Variants in PARP10 observed in about 807,000 individuals in gnomAD.
PARP10 encodes poly(ADP-ribose) polymerase family member 10, also known as protein mono-ADP-ribosyltransferase PARP10.
A neutral mutation model predicts 82.4 loss-of-function variants in PARP10; 56 were observed. The observed-to-expected ratio is 0.68, with a 90% CI of 0.55 to 0.85. The LOEUF (loss-of-function observed/expected upper bound fraction) is 0.85. Ranked by LOEUF, PARP10 falls within the 40% of genes least tolerant of loss-of-function variation. The pLI is 0.00. For missense variants in PARP10, 1,227 were observed against 1,379.4 expected (o/e 0.89, Z 1.75); for synonymous variants, 576 against 601.1 (o/e 0.96, Z 0.61).
At chr8:144,005,531 C>T (rs781907464) in intron 1 of PARP10, among the ~76,000 whole-genome samples, 57 of 152,148 alleles carry the variant, frequency 3.7e-4, no homozygotes, top group Non-Finnish European at 7.5e-4. Flanking sequence ...GGTAGCTCCT[C>T]CTACTCCCTA....
At chr8:143,980,319 C>CAAAAA (rs564801582) in intron 9 of PARP10, among the ~76,000 whole-genome samples, 17 of 16,086 alleles carry the variant, frequency 1.1e-3, no homozygotes, top group Non-Finnish European at 1.5e-3. Flanking sequence ...GATTCCGTCT[C>CAAAAA]AAAAAAAAAA....
intron 1 of PARP10, chr8:144,012,274 GT>G (rs1554752556): frequency 1.9e-6 from 1 of 538,992 alleles, no homozygotes; most frequent in Non-Finnish European, 3.3e-6. Flanking sequence ...CAGAGAAAAG[GT>G]CAGGACATTC....
chr8:143,984,049 G>A lies in PARP10; in HGVS notation c.1736C>T (p.Thr579Ile). ...VLPGNAHTLWTPDSTGGDQED... is the reference protein window; with the variant it reads ...VLPGNAHTLWIPDSTGGDQED... ...CTGGTCACCACCTGTACTGTCTGGGGTCCACAGGGTGTGGGCGTTGCCAGG... is the reference window on the plus strand; with the variant it reads ...CTGGTCACCACCTGTACTGTCTGGGATCCACAGGGTGTGGGCGTTGCCAGG... The change falls in exon 7 of 11, where the codon ACC becomes ATC. Residue 579 changes from threonine (T) to isoleucine (I), a missense_variant. Coordinates refer to ENST00000313028, the MANE Select transcript of PARP10 (RefSeq NM_032789.5). The A allele has an allele frequency of 3.2e-6, 5 of 1,540,348 alleles. No individual in the cohort carries two copies. Among genetic ancestry groups the A allele is most frequent in the East Asian group, 2.3e-5 (1 of 44,252 alleles).
chr8:143,991,290 G>A (rs143329355), upstream of PARP10: 2 of 1,494,844 alleles, frequency 1.3e-6, no homozygotes, highest in Non-Finnish European at 1.8e-6. Flanking sequence ...TGGATATCCG[G>A]GGGGGCCCCA....
Position 143,986,161 on chromosome 8 carries a change from C to T in PARP10, c.75G>A (p.Glu25=), listed in dbSNP as rs1554749319. ...GGTTTTCAAAGTAGAGAGTGAGCAG[C>T]TCGTCGGGCACGGCAGGGGGCAGTC... ...VRGLPPAVPD[E]LLTLYFENRR... is the part of the protein sequence containing the mutation. The change falls in exon 2 of 11, where the codon GAG becomes GAA. Residue 25 remains glutamate, a synonymous_variant. Transcript: ENST00000313028. The T allele has an allele frequency of 6.2e-7, 1 of 1,614,052 alleles. No homozygotes were observed. Among genetic ancestry groups the T allele is most frequent in the Non-Finnish European group, 8.5e-7 (1 of 1,179,990 alleles).
At chr8:144,009,181 T>C (rs1554752260) in intron 1 of PARP10, among the ~76,000 whole-genome samples, 1 of 152,168 alleles carries the variant, frequency 6.6e-6, no homozygotes, top group African/African-American at 2.4e-5. Context: ...GTGCCCCATC[T>C]CTACCTTCCC....
upstream of PARP10, chr8:143,990,999 G>A (rs1297426739): frequency 2.6e-6 from 1 of 386,242 alleles, no homozygotes; most frequent in Non-Finnish European, 4.7e-6. The surrounding 1 kb of genome is among the most constrained non-coding windows in gnomAD (Gnocchi z 5.6). Context: ...AGAGCCCTGG[G>A]AAGGCCCCAC....
upstream of PARP10, chr8:143,992,010 A>T (rs781934309): frequency 1.4e-5 from 23 of 1,613,746 alleles, no homozygotes; most frequent in Non-Finnish European, 1.9e-5. Flanking sequence ...TGTCTTCTTC[A>T]TCTCTCTCAT....
chr8:143,991,716 A>G (rs1554750533), upstream of PARP10: 4 of 1,613,514 alleles, frequency 2.5e-6, no homozygotes. Flanking sequence ...AACTACCAGG[A>G]GGAGGGTCCC....
At position 143,985,563 on chromosome 8, in the gene PARP10, C is replaced by A. The variant is rs147869775; in HGVS notation, c.522G>T (p.Ala174=). ...VSLARVPQAR[A]VRVVGDGASV... ...AGGCACCATCCCCCACCACACGCAC[C>A]GCTCGGGCCTGGGGAACCCGGGCCA... is the stretch of plus-strand genomic sequence containing the variant. Residue 174 remains alanine, a synonymous_variant, in exon 4 of 11, where the codon GCG becomes GCT. Coordinates refer to ENST00000313028, the MANE Select transcript of PARP10 (RefSeq NM_032789.5). 8.1e-6 allele frequency: 13 copies of A among 1,614,048 alleles called. No individual in the cohort carries two copies. Among genetic ancestry groups the A allele is most frequent in the South Asian group, 1.1e-5 (1 of 91,090 alleles).
At chr8:144,012,493 C>A in intron 1 of PARP10, 1 of 1,549,462 alleles carries the variant, frequency 6.5e-7, no homozygotes, top group Non-Finnish European at 8.7e-7. Flanking sequence ...CCGTGGGCCG[C>A]ACCCTTGCCA....
chr8:143,991,342 C>T (rs997150871), upstream of PARP10: 2 of 1,369,770 alleles, frequency 1.5e-6, no homozygotes, highest in East Asian at 2.4e-5. Flanking sequence ...TACCCTGGGG[C>T]CCCTTACCCA....
At chr8:143,978,220 G>T (rs1344506407) in intron 9 of PARP10, 139 bp from the exon 10 acceptor site, 1 of 986,578 alleles carries the variant, frequency 1.0e-6, no homozygotes, top group Admixed American at 3.1e-5. Flanking sequence ...CCCCCATCAT[G>T]CTCTGTCCAG....
Position 143,983,756 on chromosome 8 carries a change from G to T in PARP10, c.1833C>A (p.Asp611Glu), listed in dbSNP as rs1554748421. ...TLEGLDLDGE[D>E]WLPRELEEEG... ...CCTCCTCCAGCTCCCGAGGCAGCCA[G>T]TCCTCCCCGTCTAGGTCTAGGCCCT... Residue 611 changes from aspartate (D) to glutamate (E), a missense_variant, in exon 8 of 11, where the codon GAC (aspartate) becomes GAA (glutamate). Transcript: ENST00000313028. 3.1e-6 allele frequency: 5 copies of T among 1,612,252 alleles called. No individual in the cohort carries two copies. The South Asian group carries it at 5.5e-5, about 18-fold the overall frequency.
chr8:144,001,976 C>T (rs1834206424), intron 1 of PARP10, among the ~76,000 whole-genome samples: 1 of 150,766 alleles, frequency 6.6e-6, no homozygotes, highest in South Asian at 2.1e-4. Flanking sequence ...AGTTCTTACC[C>T]GTGGAGATAC....
rs781856305 is a variant in PARP10, at chr8:143,984,903, G to A, written c.1099C>T (p.Pro367Ser). The change falls in exon 5 of 11, where the codon CCT becomes TCT. Residue 367 changes from proline to serine, a missense_variant. Coordinates refer to ENST00000313028, the MANE Select transcript of PARP10 (RefSeq NM_032789.5). ...CCCTCCTGTTCCTGCAACCCCACAGGCCTCAGGCTTACCAGCCCCTCATGT... is the reference window on the plus strand; with the variant it reads ...CCCTCCTGTTCCTGCAACCCCACAGACCTCAGGCTTACCAGCCCCTCATGT... ...LEHEGLVSLR[P>S]VGLQEQEGPM... 1.9e-6 allele frequency: 3 copies of A among 1,613,786 alleles called. No individual in the cohort carries two copies. Among genetic ancestry groups the A allele is most frequent in the Non-Finnish European group, 2.5e-6 (3 of 1,179,980 alleles).
intron 9 of PARP10, among the ~76,000 whole-genome samples, chr8:143,980,125 T>A (rs1219732220): frequency 6.9e-5 from 10 of 145,920 alleles, no homozygotes; most frequent in Admixed American, 6.2e-4. Flanking sequence ...ATTGAGACCA[T>A]CCTGGCTAAC....
intron 4 of PARP10, 39 bp downstream of exon 4, chr8:143,985,373 G>A (rs1554749035): frequency 1.1e-5 from 18 of 1,593,878 alleles, no homozygotes; most frequent in Non-Finnish European, 1.5e-5. Flanking sequence ...ATTTCTGCAG[G>A]AGAGGGACGG....
At chr8:143,986,543 C>T (rs1833995947), upstream of PARP10, 3 of 839,206 alleles carry the variant, frequency 3.6e-6, no homozygotes, top group South Asian at 1.6e-5. Context: ...TGCTTCCTCT[C>T]CTGCTGCAGC....
Sources: allele counts gnomAD v4.1 joint callset (sites outside exome capture counted in the v4.1 genomes callset), GRCh38; gene constraint gnomAD v4.1.1; non-coding constraint Gnocchi (gnomAD v3.1); transcripts MANE v1.5; gene names NCBI Gene and HGNC (gene_info 2026-07-23, HGNC 2026-07-21).